The following DMXL2 variants were observed in gnomAD, a reference collection of about 807,000 sequenced individuals.
The protein encoded by DMXL2 is Dmx like 2, also known as dmX-like protein 2.
A neutral mutation model predicts 331.1 loss-of-function variants in DMXL2; 103 were observed. The observed-to-expected ratio is 0.31, with a 90% CI of 0.27 to 0.37. DMXL2 has a LOEUF of 0.37. DMXL2 is among the 10% of genes least tolerant of loss of function. DMXL2 has a pLI of 1.00. For synonymous variants in DMXL2, 1,281 were observed against 1,252.1 expected (o/e 1.02, Z -0.49); for missense variants, 3,171 against 3,642.9 (o/e 0.87, Z 3.33).
chr15:51,488,881 A>G (rs2042593279), intron 20 of DMXL2, among the ~76,000 whole-genome samples: 1 of 152,170 alleles, frequency 6.6e-6, no homozygotes, highest in South Asian at 2.1e-4. Flanking sequence ...CTTATTGACT[A>G]TTTACCACGT....
intron 13 of DMXL2, among the ~76,000 whole-genome samples, chr15:51,528,508 A>G (rs2047811709): frequency 6.6e-6 from 1 of 152,162 alleles, no homozygotes; most frequent in South Asian, 2.1e-4. Flanking sequence ...TTCAAGACAA[A>G]AACTGTAAGA....
At chr15:51,569,247 G>A (rs1311430134) in intron 2 of DMXL2, among the ~76,000 whole-genome samples, 1 of 152,168 alleles carries the variant, frequency 6.6e-6, no homozygotes, top group African/African-American at 2.4e-5. Flanking sequence ...ACTCGAGCTT[G>A]GTGGGAGGAG....
chr15:51,465,740 A>G, intron 30 of DMXL2, 89 bp from the exon 31 acceptor site: 1 of 930,902 alleles, frequency 1.1e-6, no homozygotes, highest in Non-Finnish European at 1.6e-6. Context: ...TGTTTAGCCC[A>G]CTCTCCAACC....
intron 43 of DMXL2, 121 bp from the exon 44 acceptor site, chr15:51,449,314 C>T: frequency 1.2e-6 from 1 of 824,252 alleles, no homozygotes; most frequent in Non-Finnish European, 1.9e-6. Context: ...CCCACTGCCT[C>T]TTTCCTAAGA....
intron 33 of DMXL2, among the ~76,000 whole-genome samples, chr15:51,462,749 T>A (rs1435687344): frequency 2.6e-5 from 4 of 152,188 alleles, no homozygotes; most frequent in African/African-American, 9.7e-5. Context: ...AATGCTCATA[T>A]AAAAGGTCCC....
intron 19 of DMXL2, among the ~76,000 whole-genome samples, chr15:51,493,618 A>G (rs115531404): frequency 8.5e-4 from 130 of 152,304 alleles, no homozygotes; most frequent in African/African-American, 2.9e-3. Flanking sequence ...CCCAGGACCA[A>G]CACCTACAAC....
intron 11 of DMXL2, 69 bp downstream of exon 11, chr15:51,537,419 C>T (rs2097003003): frequency 6.9e-7 from 1 of 1,442,746 alleles, no homozygotes; most frequent in Non-Finnish European, 9.2e-7. Flanking sequence ...AACATGCTAA[C>T]TCTACAAAGC....
Position 51,568,538 on chromosome 15 carries a change from A to C in DMXL2, c.234T>G (p.Asn78Lys). The C allele has an allele frequency of 6.3e-7, 1 of 1,581,196 alleles. No individual in the cohort carries two copies. Residue 78 changes from asparagine (N) to lysine (K), a missense_variant, in exon 3 of 44, where the codon AAT becomes AAG. Asn to Lys is a moderately conservative substitution (Grantham distance 94, BLOSUM62 0). Transcript: ENST00000560891. Reference protein sequence around the residue: ...QQGRIAASYGNAVCIFEPLGI... With the variant: ...QQGRIAASYGKAVCIFEPLGI... Reference sequence around the variant, plus strand: ...CCAAGGGCTCAAATATACAAACAGCATTACCATATGAAGCTGCAATCTAAA... The same window carrying C: ...CCAAGGGCTCAAATATACAAACAGCCTTACCATATGAAGCTGCAATCTAAA...
intron 1 of DMXL2, among the ~76,000 whole-genome samples, chr15:51,597,980 A>G (rs935552771): frequency 4.6e-5 from 7 of 151,906 alleles, no homozygotes; most frequent in African/African-American, 1.7e-4. Flanking sequence ...TATTGTTATC[A>G]TTTTCTTATT....
At position 51,499,709 on chromosome 15, in the gene DMXL2, T is replaced by C; in HGVS notation, c.3515A>G (p.Asp1172Gly). 6.2e-7 allele frequency: 1 copy of C among 1,614,026 alleles called. No homozygotes were observed. Among genetic ancestry groups the C allele is most frequent in the South Asian group, 1.1e-5 (1 of 91,062 alleles). ...IPNIKHLVHL[D>G]WVSKEDGSHI... ...GGAGCCATCTTCTTTTGATACCCAG[T>C]CCAAATGTACTAAATGTTTGATATT... Residue 1172 changes from aspartate to glycine, a missense_variant, in exon 18 of 44, where the codon GAC becomes GGC. By Grantham distance (94) the Asp-to-Gly change is moderately conservative (BLOSUM62 -1). This residue lies in a region of DMXL2 where 1,674 missense variants were observed against 1,780.2 expected (regional missense o/e 0.94). Coordinates refer to ENST00000560891, the MANE Select transcript of DMXL2 (RefSeq NM_001378457.1).
rs758950153 is a variant in DMXL2 at position 51,499,766 on chromosome 15, G to T, written c.3458C>A (p.Ala1153Glu). 6.2e-7 allele frequency: 1 copy of T among 1,614,084 alleles called. No individual in the cohort carries two copies. Among genetic ancestry groups the T allele is most frequent in the South Asian group, 1.1e-5 (1 of 91,074 alleles). ...SNLFVYSKSD[A>E]LLSKDRYLIP... Reference sequence around the variant, plus strand: ...AAGATATCTATCCTTGCTCAAGAGTGCATCTGACTTGCTATACACAAACAG... The same window carrying T: ...AAGATATCTATCCTTGCTCAAGAGTTCATCTGACTTGCTATACACAAACAG... The change falls in exon 18 of 44, where the codon GCA (alanine) becomes GAA (glutamate). Residue 1153 changes from alanine (A) to glutamate (E), a missense_variant. This residue lies in a region of DMXL2 where 1,674 missense variants were observed against 1,780.2 expected (regional missense o/e 0.94). Transcript: ENST00000560891.
At chr15:51,592,166 G>GAA (rs1011443200) in intron 1 of DMXL2, among the ~76,000 whole-genome samples, 1 of 148,364 alleles carries the variant, frequency 6.7e-6, no homozygotes, top group East Asian at 2.0e-4. Context: ...TAAAAACCTT[G>GAA]AAAAAAAAAA....
At chr15:51,464,329 G>A (rs1376789259) in intron 32 of DMXL2, among the ~76,000 whole-genome samples, 3 of 152,204 alleles carry the variant, frequency 2.0e-5, no homozygotes, top group Non-Finnish European at 4.4e-5. Context: ...GAGCCCAGGA[G>A]GTTGAGGCTG....
chr15:51,550,504 GAGA>G lies in DMXL2; in HGVS notation c.568-3099_568-3097del, dbSNP rs574911496. 1.1e-3 allele frequency among the ~76,000 whole-genome samples: 161 copies of G among 152,154 alleles called. 1 individual carries two copies. The highest frequency in any genetic ancestry group is 6.8e-3 in the Middle Eastern group (2 of 294). The stretch of plus-strand genomic sequence containing the variant: ...TCAAATACTTAATGTTTTTTATGGT[GAGA>G]AGACTTGAAATTTACTCTTAGCAAT... On this transcript the variant is annotated intron_variant, in intron 6 of 43. Transcript: ENST00000560891.
chr15:51,467,200 G>A (rs1044395522), intron 29 of DMXL2, among the ~76,000 whole-genome samples: 4 of 151,692 alleles, frequency 2.6e-5, no homozygotes, highest in Admixed American at 6.6e-5. Context: ...AGAGAAGGAA[G>A]GTAAAATAAA....
At chr15:51,463,589 T>C (rs1205706652) in intron 32 of DMXL2, 93 bp from the exon 33 acceptor site, 20 of 735,636 alleles carry the variant, frequency 2.7e-5, no homozygotes, top group Non-Finnish European at 4.3e-5. Context: ...TCACAATCTA[T>C]TGCAAAGATA....
chr15:51,534,872 C>T (rs1274678016), intron 13 of DMXL2, among the ~76,000 whole-genome samples: 1 of 152,080 alleles, frequency 6.6e-6, no homozygotes, highest in African/African-American at 2.4e-5. Context: ...TTAATCTGAT[C>T]TCTCTCTCTC....
chr15:51,564,235 A>C lies in DMXL2; in HGVS notation c.390T>G (p.Asp130Glu). 6.3e-7 allele frequency: 1 copy of C among 1,595,128 alleles called. No homozygotes were observed. Among genetic ancestry groups the C allele is most frequent in the Non-Finnish European group, 8.5e-7 (1 of 1,173,522 alleles). ...PQDNRLLTAT[D>E]SIQLWAPPGD... is the part of the protein sequence containing the mutation. ...CTGGAGGAGCCCACAACTGAATAGA[A>C]TCAGTTGCTGTCAACAATCTATTAT... is the stretch of plus-strand genomic sequence containing the variant. The change falls in exon 5 of 44, where the codon GAT becomes GAG. Residue 130 changes from aspartate (D) to glutamate (E), a missense_variant. Physicochemically the swap from Asp to Glu is conservative, Grantham distance 45. Coordinates refer to ENST00000560891, the MANE Select transcript of DMXL2 (RefSeq NM_001378457.1).
intron 1 of DMXL2, among the ~76,000 whole-genome samples, chr15:51,619,399 C>G (rs2054489495): frequency 6.6e-6 from 1 of 152,152 alleles, no homozygotes; most frequent in Non-Finnish European, 1.5e-5. Flanking sequence ...TTTAAGGAAA[C>G]AGCTGTATAC....
Sources: gnomAD v4.1 joint callset for allele counts (sites outside exome capture counted in the v4.1 genomes callset) on GRCh38, gnomAD v4.1.1 for gene constraint, gnomAD v4.1.1 regional missense constraint, MANE v1.5 for transcripts, NCBI Gene and HGNC (gene_info 2026-07-23, HGNC 2026-07-21) for gene names.